LRRC2: variants seen among roughly 807,000 people sequenced by gnomAD.
LRRC2 encodes leucine-rich repeat-containing protein 2.
LRRC2 carries 27 observed loss-of-function variants against 40.2 expected under a neutral mutation model. The ratio of observed to expected loss-of-function variants is 0.67; its 90% confidence interval spans 0.49 to 0.93. The LOEUF (loss-of-function observed/expected upper bound fraction) is 0.93. LRRC2 is among the 40% of genes least tolerant of loss of function. The pLI is 0.00. For synonymous variants in LRRC2, 147 were observed against 158.9 expected (o/e 0.92, Z 0.56); for missense variants, 402 against 439.6 (o/e 0.91, Z 0.76).
intron 1 of LRRC2, chr3:46,558,543 G>T (rs1704863683): frequency 6.6e-6 from 1 of 152,282 alleles, no homozygotes; most frequent in Non-Finnish European, 1.5e-5. Context: ...CTTCTTTGGA[G>T]TGCTGGTTAG....
At chr3:46,524,205 T>C (rs949474922) in intron 7 of LRRC2, among the ~76,000 whole-genome samples, 1 of 152,168 alleles carries the variant, frequency 6.6e-6, no homozygotes. Context: ...CCTGAGTATG[T>C]AGGCAGTGCT....
Position 46,530,020 on chromosome 3 carries a change from C to T in LRRC2, c.658G>A (p.Asp220Asn). 6.2e-7 allele frequency: 1 copy of T among 1,613,456 alleles called. No individual in the cohort carries two copies. Among genetic ancestry groups the T allele is most frequent in the East Asian group, 2.2e-5 (1 of 44,870 alleles). Residue 220 changes from aspartate to asparagine, a missense_variant, in exon 6 of 9, where the codon GAT becomes AAT. Coordinates refer to ENST00000395905, the MANE Select transcript of LRRC2 (RefSeq NM_024512.5). ...LSNLKQVTFV[D>N]ISANKFSSVP... is the part of the protein sequence containing the mutation. Reference sequence around the variant, plus strand: ...CTGGAAAACTTGTTTGCTGAGATATCTACAAATGTAACTTGCTTCAAATTA... The same window carrying T: ...CTGGAAAACTTGTTTGCTGAGATATTTACAAATGTAACTTGCTTCAAATTA...
intron 1 of LRRC2, among the ~76,000 whole-genome samples, chr3:46,560,606 T>C (rs1005643362): frequency 6.6e-6 from 1 of 152,202 alleles, no homozygotes; most frequent in Non-Finnish European, 1.5e-5. Context: ...AGCCTAAGTG[T>C]AAAGCTTCAG....
Position 46,548,077 on chromosome 3 carries a change from T to G in LRRC2, c.126-2824A>C, listed in dbSNP as rs1704569599. ...TCAGATTAATGTCTCTAACTTTTCT[T>G]TCCTCATTTCTTAGACTGAACCTGA... On this transcript the variant is annotated intron_variant, in intron 2 of 8. Transcript: ENST00000395905. Among the ~76,000 whole-genome samples, 6 of 152,306 alleles carry G rather than the reference T, an allele frequency of 3.9e-5. No individual in the cohort carries two copies. In the South Asian group the frequency reaches 1.2e-3, roughly 32 times the overall value.
chr3:46,539,214 G>C lies in LRRC2; in HGVS notation c.334-13C>G. 7.4e-6 allele frequency: 12 copies of C among 1,612,586 alleles called. No homozygotes were observed. The highest frequency in any genetic ancestry group is 9.3e-6 in the Non-Finnish European group (11 of 1,179,352). ...AATCTGGGAGCTCCTAAAATAGAAAGAATGACATCAATCAGAACTAGCTCC... is the reference window on the plus strand; with the variant it reads ...AATCTGGGAGCTCCTAAAATAGAAACAATGACATCAATCAGAACTAGCTCC... On this transcript the variant is annotated splice_polypyrimidine_tract_variant and intron_variant, in intron 3 of 8. Coordinates refer to ENST00000395905, the MANE Select transcript of LRRC2 (RefSeq NM_024512.5).
In LRRC2 at chr3:46,542,329, C is replaced by T. The variant is rs540179278; in HGVS notation, c.333+2717G>A. Among the ~76,000 whole-genome samples, 35 of 83,008 alleles carry T rather than the reference C, an allele frequency of 4.2e-4. No individual in the cohort carries two copies. The South Asian group carries it at 0.014, about 34-fold the overall frequency. 54.5% of individuals were successfully genotyped at this position (83,008 alleles called of 152,430 possible). ...CCCAGACCACAAAGTGAGACTCCATCTTTAAAAAAAAATTAAATTAGCCGA... is the reference window on the plus strand; with the variant it reads ...CCCAGACCACAAAGTGAGACTCCATTTTTAAAAAAAAATTAAATTAGCCGA... On this transcript the variant is annotated intron_variant, in intron 3 of 8. Transcript: ENST00000395905.
In LRRC2 at chr3:46,540,363, A is replaced by G. The variant is rs556351674; in HGVS notation, c.334-1162T>C. Among the ~76,000 whole-genome samples, 144 of 152,210 alleles carry G rather than the reference A, an allele frequency of 9.5e-4. 2 individuals are homozygous for G. The Middle Eastern group carries it at 0.01, about 11-fold the overall frequency. Reference sequence around the variant, plus strand: ...AACATGGTGAAACCCCATCTCTACTAAAAATACAAAAATTAGCTAGGTGTG... The same window carrying G: ...AACATGGTGAAACCCCATCTCTACTGAAAATACAAAAATTAGCTAGGTGTG... On this transcript the variant is annotated intron_variant, in intron 3 of 8. Transcript: ENST00000395905.
intron 4 of LRRC2, among the ~76,000 whole-genome samples, chr3:46,533,430 C>T (rs79518433): frequency 0.2 from 30,929 of 152,128 alleles, 3,737 homozygotes; most frequent in Middle Eastern, 0.34. Context: ...AATACAGATT[C>T]TCCCTAACTT....
chr3:46,540,808 C>A (rs1019242425), intron 3 of LRRC2, among the ~76,000 whole-genome samples: 1 of 152,196 alleles, frequency 6.6e-6, no homozygotes, highest in Non-Finnish European at 1.5e-5. Context: ...GTCCCGACAC[C>A]TCTTGATCTG....
rs1242162184 is a variant in LRRC2 at position 46,533,290 on chromosome 3, G to C, written c.491-381C>G. Among the ~76,000 whole-genome samples the C allele has an allele frequency of 2.0e-5, 3 of 152,160 alleles. No individual in the cohort carries two copies. In the East Asian group the frequency reaches 5.8e-4, roughly 29 times the overall value. ...ACTCCCTGTTCTCCCAAAGCCCTCAGACCTAATTTCCAGTAAGGGGAAGAT... is the reference window on the plus strand; with the variant it reads ...ACTCCCTGTTCTCCCAAAGCCCTCACACCTAATTTCCAGTAAGGGGAAGAT... On this transcript the variant is annotated intron_variant, in intron 4 of 8. Transcript: ENST00000395905.
intron 4 of LRRC2, among the ~76,000 whole-genome samples, chr3:46,537,252 C>T (rs1286292135): frequency 1.3e-5 from 2 of 152,164 alleles, no homozygotes; most frequent in Non-Finnish European, 2.9e-5. Flanking sequence ...AGGCACACGC[C>T]ATCATGCCTG....
intron 3 of LRRC2, among the ~76,000 whole-genome samples, chr3:46,541,257 C>T (rs1435672608): frequency 6.7e-6 from 1 of 149,452 alleles, no homozygotes; most frequent in Non-Finnish European, 1.5e-5. Flanking sequence ...GGTGTGAACC[C>T]GGGAAGCGGA....
intron 7 of LRRC2, among the ~76,000 whole-genome samples, chr3:46,521,974 C>T (rs1202115026): frequency 6.6e-6 from 1 of 152,132 alleles, no homozygotes; most frequent in South Asian, 2.1e-4. Flanking sequence ...AGCTGCATGT[C>T]GTCATGCAAT....
At chr3:46,533,746 CTTCT>C (rs766407731) in intron 4 of LRRC2, among the ~76,000 whole-genome samples, 9,658 of 128,188 alleles carry the variant, frequency 0.075, 490 homozygotes, top group South Asian at 0.16. Flanking sequence ...TCCTTCCTTC[CTTCT>C]TCCTTCCCTC....
At chr3:46,544,136 C>T (rs1354908362) in intron 3 of LRRC2, among the ~76,000 whole-genome samples, 2 of 125,766 alleles carry the variant, frequency 1.6e-5, no homozygotes, top group Non-Finnish European at 3.8e-5. Flanking sequence ...TCCACCGAGT[C>T]CTTTTAGTCA....
chr3:46,556,616 T>C, intron 1 of LRRC2, among the ~76,000 whole-genome samples: 1 of 147,018 alleles, frequency 6.8e-6, no homozygotes, highest in Admixed American at 6.9e-5. Flanking sequence ...TCTCGCTCTG[T>C]CGCCCAAGCT....
chr3:46,558,147 G>A, intron 1 of LRRC2: 1 of 152,324 alleles, frequency 6.6e-6, no homozygotes, highest in Non-Finnish European at 1.5e-5. Flanking sequence ...ATTCTCACAT[G>A]CACACTGCTG....
chr3:46,534,465 T>TTTCC (rs1427799923), intron 4 of LRRC2, among the ~76,000 whole-genome samples: 1 of 150,666 alleles, frequency 6.6e-6, no homozygotes, highest in African/African-American at 2.4e-5. Context: ...TCTTTCTTTC[T>TTTCC]TTCTTTGTTT....
Position 46,522,572 on chromosome 3 carries a change from G to A in LRRC2, c.930-914C>T, listed in dbSNP as rs191069872. On this transcript the variant is annotated intron_variant, in intron 7 of 8. Transcript: ENST00000395905. ...ACAAGAAATATAAAAGATTAGCTGA[G>A]TGTGGTGGCACATGCCTGTAATCCC... Among the ~76,000 whole-genome samples, 94 of 152,016 alleles carry A rather than the reference G, an allele frequency of 6.2e-4. 1 individual carries two copies. The highest frequency in any genetic ancestry group is 2.1e-3 in the African/African-American group (87 of 41,454).
Sources: gnomAD v4.1 joint callset for allele counts (sites outside exome capture counted in the v4.1 genomes callset) on GRCh38, gnomAD v4.1.1 for gene constraint, MANE v1.5 for transcripts, NCBI Gene and HGNC (gene_info 2026-07-23, HGNC 2026-07-21) for gene names.